The following TMEM63C variants were observed in gnomAD, a reference collection of about 807,000 sequenced individuals.
TMEM63C encodes the protein transmembrane protein 63C.
In TMEM63C, 32 loss-of-function variants were observed where a neutral mutation model predicts 99.2. That is an observed-to-expected ratio of 0.32 (90% CI 0.24 to 0.43). TMEM63C has a LOEUF of 0.43. Among genes scored for constraint, TMEM63C ranks in the 20% least tolerant of loss-of-function variants. TMEM63C has a pLI of 1.00. For synonymous variants in TMEM63C, 376 were observed against 397.9 expected (o/e 0.94, Z 0.66); for missense variants, 826 against 1,053.0 (o/e 0.78, Z 2.98).
intron 9 of TMEM63C, 22 bp from the exon 10 acceptor site, chr14:77,238,672 C>A: frequency 6.3e-7 from 1 of 1,599,960 alleles, no homozygotes. Context: ...CTTCTTTCTC[C>A]ATTTTTATTT....
chr14:77,248,972 A>T, intron 20 of TMEM63C, 100 bp downstream of exon 20: 1 of 1,211,858 alleles, frequency 8.3e-7, no homozygotes, highest in Non-Finnish European at 1.2e-6. Context: ...GCATGGGGAG[A>T]CCTGTGGTAG....
intron 5 of TMEM63C, among the ~76,000 whole-genome samples, chr14:77,220,707 A>G (rs2542824): frequency 0.92 from 140,272 of 152,014 alleles, 64,778 homozygotes; most frequent in South Asian, 0.96. Flanking sequence ...ACGCCACAGG[A>G]GGAGGTCAGA....
rs565081363 is a variant in TMEM63C at position 77,239,817 on chromosome 14, A to G, written c.930+91A>G. The G allele has an allele frequency of 1.3e-3, 1,912 of 1,506,408 alleles. 11 individuals are homozygous for G. The highest frequency in any genetic ancestry group is 6.7e-3 in the South Asian group (536 of 79,624). The allele number at this position is 1,506,408 out of a possible 1,614,324, so 93.3% of individuals were successfully genotyped here. A position where few individuals can be genotyped will look rare whatever the true frequency, so the allele number is the denominator to read the frequency against. On this transcript the variant is annotated intron_variant, in intron 12 of 23. Transcript: ENST00000298351. ...GCCTTTGCCCGCACTGTTGGGCCCC[A>G]GGCCTCACTCAGGTCTGCTCTAGTG...
intron 7 of TMEM63C, among the ~76,000 whole-genome samples, chr14:77,232,267 T>TTATTTTA (rs1888956695): frequency 7.5e-6 from 1 of 133,284 alleles, no homozygotes. Flanking sequence ...ATATGTTATT[T>TTATTTTA]TATTTTATAT....
intron 15 of TMEM63C, among the ~76,000 whole-genome samples, chr14:77,243,660 G>A (rs419630): frequency 0.064 from 9,761 of 152,134 alleles, 437 homozygotes; most frequent in Admixed American, 0.1. Context: ...AGGGATCCTA[G>A]CCCATTTCCA....
At chr14:77,253,890 T>C (rs200043490) in intron 23 of TMEM63C, among the ~76,000 whole-genome samples, 1 of 148,512 alleles carries the variant, frequency 6.7e-6, no homozygotes, top group South Asian at 2.1e-4. Flanking sequence ...GTGCTGTCTC[T>C]CACACAGTGG....
intron 1 of TMEM63C, among the ~76,000 whole-genome samples, chr14:77,182,175 G>A (rs561626443): frequency 1.3e-5 from 2 of 152,244 alleles, no homozygotes; most frequent in South Asian, 4.1e-4. Flanking sequence ...GGGGAACGGA[G>A]GTGGGTAGGA....
At chr14:77,252,437 C>A (rs1473764489) in intron 22 of TMEM63C, among the ~76,000 whole-genome samples, 1 of 152,212 alleles carries the variant, frequency 6.6e-6, no homozygotes, top group African/African-American at 2.4e-5. Context: ...GGGAGCCAAT[C>A]CATGCCCTTT....
At chr14:77,226,582 G>C (rs1487506582) in intron 6 of TMEM63C, among the ~76,000 whole-genome samples, 1 of 152,168 alleles carries the variant, frequency 6.6e-6, no homozygotes, top group African/African-American at 2.4e-5. Context: ...AGGACAGGAA[G>C]AGTTTCGACA....
At chr14:77,230,349 C>T (rs192176255) in intron 6 of TMEM63C, among the ~76,000 whole-genome samples, 261 of 152,292 alleles carry the variant, frequency 1.7e-3, no homozygotes, top group Non-Finnish European at 1.3e-3. Flanking sequence ...CTCTATAGCT[C>T]AGTATTGCCT....
At chr14:77,221,384 C>T (rs1405021981) in intron 5 of TMEM63C, among the ~76,000 whole-genome samples, 16 of 85,906 alleles carry the variant, frequency 1.9e-4, no homozygotes, top group Admixed American at 1.6e-3. Flanking sequence ...GCCTCACCTC[C>T]CACTCACGCC....
intron 13 of TMEM63C, among the ~76,000 whole-genome samples, chr14:77,241,101 C>T (rs1397622896): frequency 1.3e-5 from 2 of 152,108 alleles, no homozygotes; most frequent in Non-Finnish European, 2.9e-5. Context: ...CAGGTGCCTG[C>T]CACCATGCCC....
At position 77,256,745 on chromosome 14, in the gene TMEM63C, A is replaced by T. The variant is rs1262688174; in HGVS notation, c.*19A>T. On this transcript the variant is annotated 3_prime_UTR_variant, in exon 24 of 24. Coordinates refer to ENST00000298351, the MANE Select transcript of TMEM63C (RefSeq NM_020431.4). ...CCACTGACCGGGACCTGAGGCCTCC[A>T]CTGGCGACTTGTTGAGGGGTCAGGG... 1 of 1,611,084 alleles carries T rather than the reference A, an allele frequency of 6.2e-7. No homozygotes were observed. Among genetic ancestry groups the T allele is most frequent in the East Asian group, 2.2e-5 (1 of 44,794 alleles).
rs146997005 is a variant in TMEM63C, at chr14:77,230,095, G to A, written c.351-1493G>A. 9.7e-4 allele frequency among the ~76,000 whole-genome samples: 148 copies of A among 152,042 alleles called. 2 individuals are homozygous for A. The East Asian group carries it at 0.026, about 27-fold the overall frequency. On this transcript the variant is annotated intron_variant, in intron 6 of 23. Transcript: ENST00000298351. ...CGCACACCTATAGTCCCAGCTGCTC[G>A]GGAGGCTGAGGCAGGAGAATCACTT...
Position 77,243,014 on chromosome 14 carries a change from T to C in TMEM63C, c.1299T>C (p.Thr433=), listed in dbSNP as rs1477089098. The change falls in exon 15 of 24, where the codon ACT becomes ACC. Residue 433 remains threonine, a synonymous_variant. Coordinates refer to ENST00000298351, the MANE Select transcript of TMEM63C (RefSeq NM_020431.4). ...CCACGCCTGCCATCATCATGAACAC[T>C]ATCGACATGTACAACGTCACCCGCC... is the stretch of plus-strand genomic sequence containing the variant. ...FLTTPAIIMN[T]IDMYNVTRPI... is the part of the protein sequence containing the mutation. 6.2e-7 allele frequency: 1 copy of C among 1,613,814 alleles called. No individual in the cohort carries two copies. The highest frequency in any genetic ancestry group is 1.7e-5 in the Admixed American group (1 of 60,014).
intron 2 of TMEM63C, 29 bp downstream of exon 2, chr14:77,213,537 C>T (rs1035423153): frequency 6.6e-6 from 1 of 152,226 alleles, no homozygotes; most frequent in Non-Finnish European, 1.5e-5. Context: ...GGCCTCTCCA[C>T]CTGCAGGATC....
At chr14:77,233,110 T>C (rs1888973046) in intron 7 of TMEM63C, among the ~76,000 whole-genome samples, 1 of 152,170 alleles carries the variant, frequency 6.6e-6, no homozygotes, top group African/African-American at 2.4e-5. Context: ...ACGTTGCCAG[T>C]GGTAATAGTG....
At chr14:77,195,114 TA>T in intron 1 of TMEM63C, among the ~76,000 whole-genome samples, 1 of 152,144 alleles carries the variant, frequency 6.6e-6, no homozygotes, top group East Asian at 1.9e-4. Context: ...CAAGAATATT[TA>T]AGAAGAAACA....
intron 22 of TMEM63C, 93 bp from the exon 23 acceptor site, chr14:77,253,212 G>A (rs1889400600): frequency 1.7e-6 from 2 of 1,155,596 alleles, no homozygotes; most frequent in Non-Finnish European, 2.5e-6. Flanking sequence ...CCAAGGTGGT[G>A]AGAAGCCCAG....
Sources: allele counts gnomAD v4.1 joint callset (sites outside exome capture counted in the v4.1 genomes callset), GRCh38; gene constraint gnomAD v4.1.1; transcripts MANE v1.5; gene names NCBI Gene and HGNC (gene_info 2026-07-23, HGNC 2026-07-21).